The following SLC22A24 variants were observed in gnomAD, a reference collection of about 807,000 sequenced individuals.
The protein encoded by SLC22A24 is steroid transmembrane transporter SLC22A24.
Under a neutral mutation model 49.8 loss-of-function variants are expected in SLC22A24, and 53 were observed. The ratio of observed to expected loss-of-function variants is 1.06; its 90% CI spans 0.85 to 1.34. The LOEUF (loss-of-function observed/expected upper bound fraction) is 1.34. SLC22A24 is among the 40% of genes most tolerant of loss of function. SLC22A24 has a pLI of 0.00. For synonymous variants in SLC22A24, 302 were observed against 256.4 expected (o/e 1.18, Z -1.70); for missense variants, 786 against 675.9 (o/e 1.16, Z -1.81).
In SLC22A24 at chr11:63,081,716, A is replaced by G. The variant is rs895007073; in HGVS notation, c.1286-50T>C. 5.4e-5 allele frequency: 66 copies of G among 1,221,126 alleles called. No individual in the cohort carries two copies. In the Admixed American group the frequency reaches 1.2e-3, roughly 22 times the overall value. The allele number at this position is 1,221,126 out of a possible 1,614,324, so 75.6% of individuals were successfully genotyped here. ...AAATCTTGCCTGAAGAAACTTTTCA[A>G]CCCCCAAATAATTGTAAAAAGATTC... On this transcript the variant is annotated intron_variant, in intron 7 of 9. Coordinates refer to ENST00000612278, the MANE Select transcript of SLC22A24 (RefSeq NM_001136506.2).
Position 63,119,306 on chromosome 11 carries a change from C to G in SLC22A24, c.536G>C (p.Cys179Ser). 6.5e-7 allele frequency: 1 copy of G among 1,549,236 alleles called. No individual in the cohort carries two copies. Among genetic ancestry groups the G allele is most frequent in the Non-Finnish European group, 8.7e-7 (1 of 1,146,310 alleles). Residue 179 changes from cysteine to serine, a missense_variant, in exon 3 of 10, where the codon TGT (cysteine) becomes TCT (serine). Cys to Ser is a moderately radical substitution (Grantham distance 112). Coordinates refer to ENST00000612278, the MANE Select transcript of SLC22A24 (RefSeq NM_001136506.2). ...RVGRKIICKLCFLQLAISNTC... is the reference protein window; with the variant it reads ...RVGRKIICKLSFLQLAISNTC... ...GTTAGAGATGGCCAGCTGGAGGAAA[C>G]ACAATTTGCATATGATCTTCCGTCC...
At chr11:63,123,121 T>A (rs545959873) in intron 2 of SLC22A24, among the ~76,000 whole-genome samples, 28 of 152,230 alleles carry the variant, frequency 1.8e-4, no homozygotes, top group African/African-American at 6.7e-4. Flanking sequence ...GTTGTGTCAG[T>A]CTTGATTTGG....
rs1467073512 is a variant in SLC22A24, at chr11:63,081,586, G to A, written c.1366C>T (p.His456Tyr). The change falls in exon 8 of 10, where the codon CAC (histidine) becomes TAC (tyrosine). Residue 456 changes from histidine (H) to tyrosine (Y), a missense_variant. His to Tyr is a moderately conservative substitution (Grantham distance 83, BLOSUM62 2). Transcript: ENST00000612278. Reference protein sequence around the residue: ...SAASNSASVHHNELVPTILRS... With the variant: ...SAASNSASVHYNELVPTILRS... ...AATATGGTGGGGACGAGCTCGTTGTGGTGGACAGAAGCACTGTTGCTAGCA... is the reference window on the plus strand; with the variant it reads ...AATATGGTGGGGACGAGCTCGTTGTAGTGGACAGAAGCACTGTTGCTAGCA... 13 of 1,551,360 alleles carry A rather than the reference G, an allele frequency of 8.4e-6. No homozygotes were observed. Among genetic ancestry groups the A allele is most frequent in the Non-Finnish European group, 9.6e-6 (11 of 1,146,750 alleles).
intron 2 of SLC22A24, among the ~76,000 whole-genome samples, chr11:63,120,004 G>A (rs1425883624): frequency 1.3e-5 from 2 of 151,732 alleles, no homozygotes; most frequent in African/African-American, 4.8e-5. Context: ...TGAGTTCATT[G>A]TAGATTCTGG....
At chr11:63,123,229 T>A (rs2087264439) in intron 2 of SLC22A24, among the ~76,000 whole-genome samples, 1 of 152,058 alleles carries the variant, frequency 6.6e-6, no homozygotes, top group Admixed American at 6.6e-5. Context: ...ATGCACATAA[T>A]GAATACAGGG....
intron 6 of SLC22A24, among the ~76,000 whole-genome samples, chr11:63,092,797 A>T (rs895282527): frequency 3.4e-4 from 51 of 151,878 alleles, no homozygotes; most frequent in African/African-American, 1.1e-3. Flanking sequence ...AGACTTCATG[A>T]CTAAAACACA....
At chr11:63,081,146 A>G (rs868365650) in intron 8 of SLC22A24, 23 bp from the exon 9 acceptor site, 1 of 1,540,890 alleles carries the variant, frequency 6.5e-7, no homozygotes, top group Middle Eastern at 1.7e-4. Context: ...ATAACAATAC[A>G]AAAAATCTTG....
intron 2 of SLC22A24, among the ~76,000 whole-genome samples, chr11:63,129,364 T>G (rs1018851599): frequency 1.3e-5 from 2 of 152,208 alleles, no homozygotes; most frequent in African/African-American, 4.8e-5. Flanking sequence ...TACCATGCTG[T>G]TTTGATTATT....
At chr11:63,128,434 A>T (rs574642865) in intron 2 of SLC22A24, among the ~76,000 whole-genome samples, 28 of 152,122 alleles carry the variant, frequency 1.8e-4, no homozygotes, top group African/African-American at 6.7e-4. Context: ...GGGGAGTTAG[A>T]GAAGACTCTG....
intron 4 of SLC22A24, among the ~76,000 whole-genome samples, chr11:63,107,981 G>T (rs1249025061): frequency 1.9e-4 from 29 of 152,216 alleles, no homozygotes; most frequent in Non-Finnish European, 3.1e-4. Context: ...TTGAATAGGA[G>T]TGGTGAGAGA....
At chr11:63,091,181 C>T (rs7950629) in intron 6 of SLC22A24, among the ~76,000 whole-genome samples, 142,652 of 152,248 alleles carry the variant, frequency 0.94, 67,550 homozygotes, top group East Asian at 1. Context: ...TCTGGACACA[C>T]ACACCCTCCC....
chr11:63,091,870 C>G (rs1429816868), intron 6 of SLC22A24, among the ~76,000 whole-genome samples: 1 of 152,138 alleles, frequency 6.6e-6, no homozygotes, highest in Non-Finnish European at 1.5e-5. Context: ...CCTCTCTGAC[C>G]ACTCCTATTC....
At chr11:63,101,493 T>G (rs1369497114) in intron 5 of SLC22A24, among the ~76,000 whole-genome samples, 1 of 151,936 alleles carries the variant, frequency 6.6e-6, no homozygotes, top group Non-Finnish European at 1.5e-5. Context: ...AAATTAGAAA[T>G]AAAGCATAAG....
intron 1 of SLC22A24, 146 bp from the exon 2 acceptor site, chr11:63,134,914 C>A (rs1456885337): frequency 5.3e-6 from 3 of 568,366 alleles, no homozygotes; most frequent in Non-Finnish European, 9.5e-6. Context: ...TGCAGGTACT[C>A]TTTTCTGGTA....
intron 4 of SLC22A24, among the ~76,000 whole-genome samples, chr11:63,112,109 C>G (rs945033680): frequency 6.6e-6 from 1 of 151,892 alleles, no homozygotes; most frequent in African/African-American, 2.4e-5. Context: ...CGTTATGTAC[C>G]CAGTAGTCAT....
At chr11:63,091,463 A>T (rs1010990153) in intron 6 of SLC22A24, among the ~76,000 whole-genome samples, 1 of 152,166 alleles carries the variant, frequency 6.6e-6, no homozygotes, top group Non-Finnish European at 1.5e-5. Context: ...AAAAAAGAAA[A>T]TTTCAGGCCA....
chr11:63,091,859 C>T (rs191470977), intron 6 of SLC22A24, among the ~76,000 whole-genome samples: 1 of 152,126 alleles, frequency 6.6e-6, no homozygotes, highest in South Asian at 2.1e-4. Context: ...GACAAAGATA[C>T]CCTCTCTGAC....
intron 4 of SLC22A24, among the ~76,000 whole-genome samples, chr11:63,112,908 A>T (rs10897365): frequency 6.7e-6 from 1 of 148,708 alleles, no homozygotes; most frequent in Non-Finnish European, 1.5e-5. Flanking sequence ...CCAGCTACTC[A>T]GGAGGCTGAG....
At chr11:63,130,772 A>G (rs541402101) in intron 2 of SLC22A24, among the ~76,000 whole-genome samples, 239 of 152,216 alleles carry the variant, frequency 1.6e-3, no homozygotes, top group African/African-American at 5.4e-3. Context: ...AGAGGTGTTT[A>G]TAGTGTTCTC....
Sources: allele counts gnomAD v4.1 joint callset (sites outside exome capture counted in the v4.1 genomes callset), GRCh38; gene constraint gnomAD v4.1.1; transcripts MANE v1.5; gene names NCBI Gene and HGNC (gene_info 2026-07-23, HGNC 2026-07-21).